The following SCARA3 variants were observed in gnomAD, a reference collection of about 807,000 sequenced individuals.
SCARA3 encodes scavenger receptor class A member 3.
A neutral mutation model predicts 47.0 loss-of-function variants in SCARA3; 39 were observed. The ratio of observed to expected loss-of-function variants is 0.83; its 90% CI spans 0.64 to 1.08. The LOEUF (loss-of-function observed/expected upper bound fraction) is 1.08, where lower values mean the gene tolerates loss of function less well. Among genes scored for constraint, SCARA3 ranks in the 50% least tolerant of loss-of-function variants. The pLI is 0.00. For missense variants in SCARA3, 724 were observed against 792.3 expected, an observed-to-expected ratio of 0.91 and a Z score of 1.04; for synonymous variants, 356 against 334.1, an observed-to-expected ratio of 1.07 and a Z score of -0.71.
the SCARA3 span, among the ~76,000 whole-genome samples, chr8:27,717,242 T>G: frequency 6.6e-6 from 1 of 152,200 alleles, no homozygotes; most frequent in African/African-American, 2.4e-5. Context: ...AAGATTAAAA[T>G]AGCTCCACAA....
chr8:27,679,614 CTT>C (rs1339376529), downstream of SCARA3, among the ~76,000 whole-genome samples: 2 of 152,188 alleles, frequency 1.3e-5, no homozygotes, highest in Admixed American at 6.5e-5. Context: ...GGTCAACTAA[CTT>C]AACATTATTG....
intron 5 of SCARA3, among the ~76,000 whole-genome samples, chr8:27,665,587 G>A (rs1189893121): frequency 2.6e-5 from 4 of 152,146 alleles, no homozygotes; most frequent in African/African-American, 9.7e-5. Flanking sequence ...GCCCAGACTG[G>A]TCTCAAACTC....
chr8:27,669,543 G>A (rs1724284153), intron 5 of SCARA3, among the ~76,000 whole-genome samples: 2 of 152,242 alleles, frequency 1.3e-5, no homozygotes, highest in Admixed American at 1.3e-4. Context: ...GCTTCTCTGA[G>A]GCCAGGCTGC....
chr8:27,704,835 T>C, the SCARA3 span, among the ~76,000 whole-genome samples: 1 of 152,138 alleles, frequency 6.6e-6, no homozygotes, highest in Non-Finnish European at 1.5e-5. Context: ...GAAATGAGTG[T>C]TCTACGTGTC....
intron 1 of SCARA3, among the ~76,000 whole-genome samples, chr8:27,648,239 C>T (rs2582369): frequency 0.18 from 28,031 of 152,244 alleles, 3,173 homozygotes; most frequent in Middle Eastern, 0.33. Context: ...ATAAATGTGA[C>T]TCTCTGGACT....
At chr8:27,636,651 C>T (rs1466942262) in intron 1 of SCARA3, among the ~76,000 whole-genome samples, 2 of 152,176 alleles carry the variant, frequency 1.3e-5, no homozygotes, top group Non-Finnish European at 2.9e-5. Flanking sequence ...CCCACAGCCT[C>T]TTCATGTGCC....
the SCARA3 span, among the ~76,000 whole-genome samples, chr8:27,732,278 T>C: frequency 6.6e-6 from 1 of 152,178 alleles, no homozygotes; most frequent in Non-Finnish European, 1.5e-5. Flanking sequence ...CTCACCAGGC[T>C]TGAGAACTAG....
chr8:27,708,879 A>T, the SCARA3 span, among the ~76,000 whole-genome samples: 1 of 152,222 alleles, frequency 6.6e-6, no homozygotes, highest in Admixed American at 6.5e-5. Flanking sequence ...CAAAAAAGAA[A>T]TGTGAGTTTC....
intron 1 of SCARA3, among the ~76,000 whole-genome samples, chr8:27,648,704 C>G (rs900317613): frequency 6.6e-6 from 1 of 151,952 alleles, no homozygotes; most frequent in Non-Finnish European, 1.5e-5. Context: ...ATTAAATAAA[C>G]TACAGACATA....
the SCARA3 span, among the ~76,000 whole-genome samples, chr8:27,721,229 T>C: frequency 2.6e-5 from 4 of 152,312 alleles, no homozygotes; most frequent in East Asian, 5.8e-4. Flanking sequence ...TATTATGCAT[T>C]AAATAAATAT....
chr8:27,654,656 G>A (rs764839118), intron 3 of SCARA3, among the ~76,000 whole-genome samples: 1 of 150,082 alleles, frequency 6.7e-6, no homozygotes, highest in African/African-American at 2.5e-5. Context: ...TAGTCCTGGC[G>A]GCACATGCCA....
chr8:27,660,649 T>C (rs538405976), intron 5 of SCARA3, among the ~76,000 whole-genome samples: 2 of 149,112 alleles, frequency 1.3e-5, no homozygotes, highest in African/African-American at 4.9e-5. Context: ...GATAGATAGA[T>C]AGATAGATCT....
In SCARA3 at chr8:27,671,662, A is replaced by G. The variant is rs1005573745; in HGVS notation, c.*311A>G. On this transcript the variant is annotated 3_prime_UTR_variant, in exon 6 of 6. Transcript: ENST00000301904. ...TGCATGCACACACACATGCACGCAC[A>G]CACACATGCACACATACACGTGCAC... The G allele has an allele frequency of 9.7e-5, 108 of 1,107,860 alleles. 1 individual carries two copies. The Middle Eastern group carries it at 1.5e-3, about 15-fold the overall frequency. The allele number at this position is 1,107,860 out of a possible 1,614,324, so 68.6% of individuals were successfully genotyped here. A position where few individuals can be genotyped will look rare whatever the true frequency, so the allele number is the denominator to read the frequency against.
At chr8:27,708,008 C>A in the SCARA3 span, among the ~76,000 whole-genome samples, 9 of 152,234 alleles carry the variant, frequency 5.9e-5, no homozygotes, top group South Asian at 1.9e-3. Flanking sequence ...TCCACACTGT[C>A]TTGGAAAACT....
Position 27,672,412 on chromosome 8 carries a change from C to T in SCARA3, c.*1061C>T, listed in dbSNP as rs941865386. The T allele has an allele frequency of 7.1e-6, 7 of 985,504 alleles. No individual in the cohort carries two copies. The highest frequency in any genetic ancestry group is 1.7e-5 in the African/African-American group (1 of 57,384). The allele number at this position is 985,504 out of a possible 1,614,324, so 61.0% of individuals were successfully genotyped here. Reference sequence around the variant, plus strand: ...TCTGCACAGCTGCCTCCCTTGCTCTCCCTGAGGCTGGCCTGCCCCATTCCC... The same window carrying T: ...TCTGCACAGCTGCCTCCCTTGCTCTTCCTGAGGCTGGCCTGCCCCATTCCC... On this transcript the variant is annotated 3_prime_UTR_variant, in exon 6 of 6. Coordinates refer to ENST00000301904, the MANE Select transcript of SCARA3 (RefSeq NM_016240.3).
chr8:27,654,809 G>A (rs199974020), intron 3 of SCARA3, among the ~76,000 whole-genome samples: 238 of 147,696 alleles, frequency 1.6e-3, no homozygotes, highest in African/African-American at 5.7e-3. Context: ...AAAAGAAAAA[G>A]AAAAAAAGAA....
At chr8:27,713,735 G>C in the SCARA3 span, among the ~76,000 whole-genome samples, 1 of 152,136 alleles carries the variant, frequency 6.6e-6, no homozygotes, top group African/African-American at 2.4e-5. Flanking sequence ...TACTTTGCCT[G>C]CCCCAGCTGT....
At chr8:27,661,466 A>T (rs1035729761) in intron 5 of SCARA3, among the ~76,000 whole-genome samples, 6 of 152,212 alleles carry the variant, frequency 3.9e-5, no homozygotes, top group Non-Finnish European at 8.8e-5. Context: ...TATAGAGGAG[A>T]TACATGTTAT....
chr8:27,689,036 C>T, the SCARA3 span, among the ~76,000 whole-genome samples: 1 of 152,154 alleles, frequency 6.6e-6, no homozygotes, highest in African/African-American at 2.4e-5. Flanking sequence ...CCCCAAGGCA[C>T]CTCCTTAGAA....
Sources: allele counts gnomAD v4.1 joint callset (sites outside exome capture counted in the v4.1 genomes callset), GRCh38; gene constraint gnomAD v4.1.1; transcripts MANE v1.5; gene names NCBI Gene and HGNC (gene_info 2026-07-23, HGNC 2026-07-21).